NOS1: variants seen among roughly 807,000 people sequenced by gnomAD.
NOS1 encodes the protein NOS type I.
In NOS1, 51 loss-of-function variants were observed where a neutral mutation model predicts 164.5. That is an observed-to-expected ratio of 0.31 (90% CI 0.25 to 0.39). The LOEUF is 0.39. Among genes scored for constraint, NOS1 ranks in the 10% least tolerant of loss-of-function variants. The pLI, the probability that NOS1 is intolerant of heterozygous loss-of-function variation, is 1.00. For synonymous variants in NOS1, 719 were observed against 745.8 expected (o/e 0.96, Z 0.59); for missense variants, 1,362 against 1,885.6 (o/e 0.72, Z 5.14).
Position 117,210,965 on chromosome 12 carries a change from A to T in NOS1, c.*4344T>A, listed in dbSNP as rs868840819. On this transcript the variant is annotated 3_prime_UTR_variant, in exon 29 of 29. Transcript: ENST00000317775. ...GTTTTATTTTATTTTATTTTATTTT[A>T]TTTTTTTTGAGATAAGAGTCTTGCT... 2.1e-4 allele frequency: 198 copies of T among 952,780 alleles called. No homozygotes were observed. Among genetic ancestry groups the T allele is most frequent in the South Asian group, 1.6e-3 (33 of 20,602 alleles). 59.0% of individuals were successfully genotyped at this position (952,780 alleles called of 1,614,324 possible).
At chr12:117,223,306 A>G (rs931852529) in intron 25 of NOS1, among the ~76,000 whole-genome samples, 2 of 150,774 alleles carry the variant, frequency 1.3e-5, no homozygotes, top group African/African-American at 4.9e-5. Context: ...TCTGTCACCC[A>G]GGCTGGAGTG....
chr12:117,229,229 CAT>C (rs1041283633), intron 22 of NOS1, among the ~76,000 whole-genome samples: 74 of 152,194 alleles, frequency 4.9e-4, no homozygotes, highest in African/African-American at 1.7e-3. Flanking sequence ...AACTGACATC[CAT>C]CACCCTGTTG....
intron 27 of NOS1, 62 bp downstream of exon 27, chr12:117,220,013 A>T: frequency 7.3e-6 from 11 of 1,498,832 alleles, no homozygotes; most frequent in Non-Finnish European, 9.9e-6. Context: ...GGTTGGATGA[A>T]AAAGGGGGGA....
Position 117,208,689 on chromosome 12 carries a change from T to C in NOS1, c.*6620A>G. 6 of 1,053,392 alleles carry C rather than the reference T, an allele frequency of 5.7e-6. No homozygotes were observed. Among genetic ancestry groups the C allele is most frequent in the Non-Finnish European group, 6.9e-6 (6 of 870,978 alleles). 65.3% of individuals were successfully genotyped at this position (1,053,392 alleles called of 1,614,324 possible). A position where few individuals can be genotyped will look rare whatever the true frequency, so the allele number is the denominator to read the frequency against. Reference sequence around the variant, plus strand: ...CCAACACCAAGGACACAGTGTCTTATTGAAACAGACTGCCATCCTCTGTTC... The same window carrying C: ...CCAACACCAAGGACACAGTGTCTTACTGAAACAGACTGCCATCCTCTGTTC... On this transcript the variant is annotated 3_prime_UTR_variant, in exon 29 of 29. Coordinates refer to ENST00000317775, the MANE Select transcript of NOS1 (RefSeq NM_000620.5).
rs1005296316 is a variant in NOS1 at position 117,283,038 on chromosome 12, A to T, written c.1383-2172T>A. Among the ~76,000 whole-genome samples the T allele has an allele frequency of 6.7e-5, 7 of 104,546 alleles. No homozygotes were observed. The East Asian group carries it at 2.2e-3, about 34-fold the overall frequency. 68.6% of individuals were successfully genotyped at this position (104,546 alleles called of 152,430 possible). ...ATGCACAGATTATTCCTATAACATTATATATATATATATATATATTTTTTT... is the reference window on the plus strand; with the variant it reads ...ATGCACAGATTATTCCTATAACATTTTATATATATATATATATATTTTTTT... On this transcript the variant is annotated intron_variant, in intron 7 of 28. Transcript: ENST00000317775.
At chr12:117,255,941 C>A in intron 16 of NOS1, 1 of 1,493,942 alleles carries the variant, frequency 6.7e-7, no homozygotes, top group South Asian at 1.4e-5. Context: ...TCTACCTGTG[C>A]TGGCTGTCAC....
intron 12 of NOS1, among the ~76,000 whole-genome samples, chr12:117,264,659 A>C (rs1592965789): frequency 1.1e-4 from 10 of 93,478 alleles, no homozygotes; most frequent in Non-Finnish European, 1.2e-4. Context: ...CTTTCCCTCT[A>C]CACTCTCTCC....
At chr12:117,248,151 G>A (rs543196392) in intron 17 of NOS1, among the ~76,000 whole-genome samples, 178 of 151,294 alleles carry the variant, frequency 1.2e-3, no homozygotes, top group African/African-American at 4.2e-3. Context: ...TTGGACTTGT[G>A]GCTTCCAGTA....
At chr12:117,326,359 A>G (rs952944384) in intron 2 of NOS1, among the ~76,000 whole-genome samples, 2 of 148,670 alleles carry the variant, frequency 1.3e-5, no homozygotes, top group Non-Finnish European at 3.0e-5. Flanking sequence ...GCACTCCAGC[A>G]TGGGTGACAA....
At chr12:117,286,397 G>T in intron 5 of NOS1, 131 bp from the exon 6 acceptor site, 1 of 904,352 alleles carries the variant, frequency 1.1e-6, no homozygotes, top group Non-Finnish European at 1.7e-6. Context: ...GCAACAGTTT[G>T]ATTTCTGGAT....
intron 22 of NOS1, among the ~76,000 whole-genome samples, chr12:117,230,077 G>T (rs933294567): frequency 6.6e-6 from 1 of 152,184 alleles, no homozygotes; most frequent in South Asian, 2.1e-4. Flanking sequence ...GTGCCATGAC[G>T]CCCAGCTAAT....
intron 3 of NOS1, among the ~76,000 whole-genome samples, chr12:117,311,085 T>G (rs1460096643): frequency 6.6e-6 from 1 of 152,182 alleles, no homozygotes; most frequent in African/African-American, 2.4e-5. Flanking sequence ...AGGCTGGTCT[T>G]GAACTCTGGA....
intron 1 of NOS1, among the ~76,000 whole-genome samples, chr12:117,337,104 CTCTTT>C (rs1875859388): frequency 2.1e-5 from 2 of 94,126 alleles, no homozygotes; most frequent in South Asian, 4.0e-4. Context: ...CTGCTTTTTA[CTCTTT>C]TTTTTTTTTT....
In NOS1 at chr12:117,225,040, G is replaced by A; in HGVS notation, c.3802C>T (p.Arg1268Trp). ...IAPFRSFWQQRQFDIQHKGMN... is the reference protein window; with the variant it reads ...IAPFRSFWQQWQFDIQHKGMN... ...CCTTTGTGTTGGATATCAAATTGCC[G>A]CTGTTGCCAGAAGCTTCGGAAAGGG... The change falls in exon 25 of 29, where the codon CGG (arginine) becomes TGG (tryptophan). Residue 1268 changes from arginine to tryptophan, a missense_variant. Transcript: ENST00000317775. 7 of 1,614,174 alleles carry A rather than the reference G, an allele frequency of 4.3e-6. No individual in the cohort carries two copies. Among genetic ancestry groups the A allele is most frequent in the Non-Finnish European group, 5.1e-6 (6 of 1,180,030 alleles).
chr12:117,357,496 A>G (rs1876908770), intron 1 of NOS1, among the ~76,000 whole-genome samples: 1 of 152,232 alleles, frequency 6.6e-6, no homozygotes, highest in South Asian at 2.1e-4. Context: ...AGGATTGGAC[A>G]ATAAGTCAAG....
At chr12:117,233,403 G>A (rs1434226862) in intron 21 of NOS1, among the ~76,000 whole-genome samples, 1 of 151,762 alleles carries the variant, frequency 6.6e-6, no homozygotes, top group Non-Finnish European at 1.5e-5. Context: ...TTGCCATGTT[G>A]CCCAGGCTGG....
At chr12:117,271,798 C>A (rs191799154) in intron 10 of NOS1, among the ~76,000 whole-genome samples, 43 of 152,258 alleles carry the variant, frequency 2.8e-4, no homozygotes, top group Admixed American at 1.1e-3. Context: ...CAGGAAGCAC[C>A]GCTCCAGCAC....
chr12:117,308,138 G>A (rs1874245818), intron 3 of NOS1, among the ~76,000 whole-genome samples: 1 of 152,132 alleles, frequency 6.6e-6, no homozygotes, highest in South Asian at 2.1e-4. Context: ...AGGGAGTGGT[G>A]AGGTTTGTGG....
At position 117,272,358 on chromosome 12, in the gene NOS1, C is replaced by T; in HGVS notation, c.1839+27G>A. On this transcript the variant is annotated intron_variant, in intron 10 of 28. Coordinates refer to ENST00000317775, the MANE Select transcript of NOS1 (RefSeq NM_000620.5). This position sits in a 1 kb window ranked among gnomAD's most constrained non-coding sequence, Gnocchi z 4.3. ...GGCACCCTCTGCTATGTGCTTTTCCCCTGTGGTGACCAGAGAGGGCCCTTA... is the reference window on the plus strand; with the variant it reads ...GGCACCCTCTGCTATGTGCTTTTCCTCTGTGGTGACCAGAGAGGGCCCTTA... The T allele has an allele frequency of 6.2e-7, 1 of 1,613,456 alleles. No individual in the cohort carries two copies. Among genetic ancestry groups the T allele is most frequent in the Admixed American group, 1.7e-5 (1 of 60,008 alleles).
Sources: gnomAD v4.1 joint callset for allele counts (sites outside exome capture counted in the v4.1 genomes callset) on GRCh38, gnomAD v4.1.1 for gene constraint, Gnocchi (gnomAD v3.1) non-coding constraint, MANE v1.5 for transcripts, NCBI Gene and HGNC (gene_info 2026-07-23, HGNC 2026-07-21) for gene names.